The following OSMR variants were observed in gnomAD, a reference collection of about 807,000 sequenced individuals.
The protein encoded by OSMR is oncostatin-M-specific receptor subunit beta.
A neutral mutation model predicts 99.9 loss-of-function variants in OSMR; 81 were observed. The ratio of observed to expected loss-of-function variants is 0.81; its 90% CI spans 0.68 to 0.97. The LOEUF (loss-of-function observed/expected upper bound fraction) is 0.97, where lower values mean the gene tolerates loss of function less well. OSMR is among the 50% of genes least tolerant of loss of function. The pLI, the probability that OSMR is intolerant of heterozygous loss-of-function variation, is 0.00. For missense variants in OSMR, 1,099 were observed against 1,153.4 expected, an observed-to-expected ratio of 0.95 and a Z score of 0.68; for synonymous variants, 406 against 410.4, an observed-to-expected ratio of 0.99 and a Z score of 0.13.
At chr5:38,848,614 G>C (rs1561323657) in intron 1 of OSMR, among the ~76,000 whole-genome samples, 1 of 152,130 alleles carries the variant, frequency 6.6e-6, no homozygotes, top group Non-Finnish European at 1.5e-5. Context: ...TCTAAGGCTT[G>C]TTTTTCTTTT....
chr5:38,902,303 A>T (rs921001928), intron 7 of OSMR, among the ~76,000 whole-genome samples: 9 of 152,214 alleles, frequency 5.9e-5, no homozygotes, highest in African/African-American at 1.7e-4. Flanking sequence ...ACCCCTTCAG[A>T]TGGAGGTGGC....
chr5:38,893,626 TA>T (rs1267318433), intron 7 of OSMR, among the ~76,000 whole-genome samples: 1 of 152,000 alleles, frequency 6.6e-6, no homozygotes, highest in East Asian at 1.9e-4. Flanking sequence ...CAGACAAAAG[TA>T]AAGATAATTT....
intron 2 of OSMR, among the ~76,000 whole-genome samples, chr5:38,870,547 C>T (rs1170971974): frequency 3.3e-5 from 5 of 151,990 alleles, no homozygotes; most frequent in Non-Finnish European, 5.9e-5. Context: ...CAGGTGTAAC[C>T]GAAATGCAGG....
downstream of OSMR, among the ~76,000 whole-genome samples, chr5:38,936,225 G>T (rs761821977): frequency 6.6e-6 from 1 of 152,002 alleles, no homozygotes; most frequent in Admixed American, 6.6e-5. Context: ...CCACACCCCT[G>T]TTCGCTTTCT....
intron 1 of OSMR, among the ~76,000 whole-genome samples, chr5:38,857,652 C>T (rs1383377943): frequency 2.0e-5 from 3 of 151,930 alleles, no homozygotes; most frequent in Non-Finnish European, 4.4e-5. Context: ...AAAACTCTCT[C>T]TTCTAGCTAT....
In OSMR at chr5:38,934,348, C is replaced by T. The variant is rs959994088; in HGVS notation, c.*904C>T. On this transcript the variant is annotated 3_prime_UTR_variant, in exon 18 of 18. Transcript: ENST00000274276. ...GTAGGTTGTCTGGGTCAAGATAACT[C>T]TCAGTCACATTTATATTCATATTAT... 21 of 152,414 alleles carry T rather than the reference C, an allele frequency of 1.4e-4. No homozygotes were observed. The highest frequency in any genetic ancestry group is 5.1e-4 in the African/African-American group (21 of 41,428). 9.4% of individuals were successfully genotyped at this position (152,414 alleles called of 1,614,324 possible).
intron 7 of OSMR, among the ~76,000 whole-genome samples, chr5:38,887,700 A>T (rs1743879950): frequency 6.6e-6 from 1 of 152,126 alleles, no homozygotes; most frequent in Non-Finnish European, 1.5e-5. Context: ...ACTGATAATT[A>T]ATTTACCAAA....
chr5:38,919,352 A>G, intron 11 of OSMR: 2 of 1,373,848 alleles, frequency 1.5e-6, no homozygotes, highest in Non-Finnish European at 1.9e-6. Flanking sequence ...CAACCCTAAC[A>G]AACAGTCACC....
At chr5:38,913,423 G>C (rs2112599982) in intron 9 of OSMR, among the ~76,000 whole-genome samples, 1 of 152,016 alleles carries the variant, frequency 6.6e-6, no homozygotes, top group South Asian at 2.1e-4. Context: ...GGTGGTGGCT[G>C]CCTATAGTCC....
intron 2 of OSMR, chr5:38,944,625 A>T: frequency 7.1e-7 from 1 of 1,412,948 alleles, no homozygotes; most frequent in South Asian, 1.3e-5. Context: ...AAAATGATTA[A>T]AACTCATGAA....
intron 1 of OSMR, chr5:38,941,505 G>C: frequency 4.3e-6 from 1 of 231,450 alleles, no homozygotes; most frequent in Non-Finnish European, 8.6e-6. Flanking sequence ...GATGAAAGTG[G>C]AAGTCCATTG....
chr5:38,886,538 A>T, intron 7 of OSMR: 1 of 225,256 alleles, frequency 4.4e-6, no homozygotes, highest in Non-Finnish European at 8.5e-6. Context: ...CTCATTTCTT[A>T]TGTGATGGTA....
At chr5:38,932,145 T>C (rs779803989) in intron 16 of OSMR, among the ~76,000 whole-genome samples, 181 bp downstream of exon 16, 4 of 152,222 alleles carry the variant, frequency 2.6e-5, no homozygotes, top group Non-Finnish European at 5.9e-5. Flanking sequence ...AGTGGCTATA[T>C]GAGGAAACTA....
intron 5 of OSMR, 35 bp from the exon 6 acceptor site, chr5:38,885,313 AG>A: frequency 6.2e-7 from 1 of 1,612,854 alleles, no homozygotes; most frequent in Non-Finnish European, 8.5e-7. Flanking sequence ...TCCAATAAAA[AG>A]ATTTAACTAG....
At chr5:38,862,332 G>C (rs865782751) in intron 1 of OSMR, among the ~76,000 whole-genome samples, 1 of 105,330 alleles carries the variant, frequency 9.5e-6, no homozygotes, top group Non-Finnish European at 1.9e-5. Flanking sequence ...GTGGCTGGCC[G>C]GGCAGAGGGG....
intron 3 of OSMR, among the ~76,000 whole-genome samples, chr5:38,880,901 C>T (rs755366383): frequency 2.6e-5 from 4 of 152,234 alleles, no homozygotes; most frequent in Non-Finnish European, 4.4e-5. Flanking sequence ...GCCCAAATTA[C>T]AGCTCAACTT....
chr5:38,866,183 G>C (rs377709950), intron 1 of OSMR, among the ~76,000 whole-genome samples: 1 of 152,190 alleles, frequency 6.6e-6, no homozygotes. Context: ...CACTAGTGAG[G>C]GTGGTGCTAT....
At chr5:38,936,102 A>ATAAT (rs1322068328), downstream of OSMR, among the ~76,000 whole-genome samples, 3 of 152,206 alleles carry the variant, frequency 2.0e-5, no homozygotes, top group Non-Finnish European at 4.4e-5. Flanking sequence ...TGTCAGGAAA[A>ATAAT]TAATAATGGA....
chr5:38,860,827 C>T (rs1189491795), intron 1 of OSMR, among the ~76,000 whole-genome samples: 1 of 152,132 alleles, frequency 6.6e-6, no homozygotes. Flanking sequence ...TGCCTGCTAA[C>T]ATGCTTGGCT....
Sources: allele counts gnomAD v4.1 joint callset (sites outside exome capture counted in the v4.1 genomes callset), GRCh38; gene constraint gnomAD v4.1.1; transcripts MANE v1.5; gene names NCBI Gene and HGNC (gene_info 2026-07-23, HGNC 2026-07-21).